Variants in GREB1L observed in about 807,000 individuals in gnomAD.
GREB1L encodes the protein GREB1 like retinoic acid receptor coactivator, also known as GREB1-like protein.
In GREB1L, 17 loss-of-function variants were observed where a neutral mutation model predicts 200.8. The observed-to-expected ratio is 0.08, with a 90% CI of 0.06 to 0.13. The LOEUF (loss-of-function observed/expected upper bound fraction) is 0.13, where lower values mean the gene tolerates loss of function less well. Among genes scored for constraint, GREB1L ranks in the 10% least tolerant of loss-of-function variants. GREB1L has a pLI of 1.00. For synonymous variants in GREB1L, 789 were observed against 893.0 expected (o/e 0.88, Z 2.08); for missense variants, 1,657 against 2,367.7 (o/e 0.70, Z 6.23).
At chr18:21,376,812 CAAAAAAAAAAA>C (rs534144361) in intron 2 of GREB1L, among the ~76,000 whole-genome samples, 1 of 59,644 alleles carries the variant, frequency 1.7e-5, no homozygotes, top group Admixed American at 1.9e-4. Flanking sequence ...GAGTCCGTCT[CAAAAAAAAAAA>C]AAAAAAAAAA....
intron 1 of GREB1L, among the ~76,000 whole-genome samples, chr18:21,301,835 A>G (rs1237666724): frequency 6.6e-6 from 1 of 152,234 alleles, no homozygotes; most frequent in Non-Finnish European, 1.5e-5. Flanking sequence ...GGCCAGTTCT[A>G]ATATGGTACA....
intron 7 of GREB1L, among the ~76,000 whole-genome samples, chr18:21,416,083 A>T (rs1391929444): frequency 6.6e-6 from 1 of 152,226 alleles, no homozygotes; most frequent in African/African-American, 2.4e-5. Flanking sequence ...TTATAACTAT[A>T]TTTCATATCT....
At chr18:21,251,016 CT>C (rs1434967957) in intron 1 of GREB1L, among the ~76,000 whole-genome samples, 2 of 152,062 alleles carry the variant, frequency 1.3e-5, no homozygotes, top group Non-Finnish European at 2.9e-5. Flanking sequence ...TCATATTATG[CT>C]TTTTAAAAAA....
intron 1 of GREB1L, among the ~76,000 whole-genome samples, chr18:21,295,107 A>G (rs140739990): frequency 2.6e-5 from 4 of 152,250 alleles, no homozygotes; most frequent in Non-Finnish European, 4.4e-5. Context: ...TTTGGAAATT[A>G]CTAAAAATGT....
At chr18:21,468,938 A>G (rs1598889894) in intron 15 of GREB1L, 1 of 368,100 alleles carries the variant, frequency 2.7e-6, no homozygotes, top group East Asian at 7.3e-5. Flanking sequence ...TCCTCATTGC[A>G]TCATGTCAGG....
At chr18:21,443,853 T>C (rs1598849528) in intron 10 of GREB1L, among the ~76,000 whole-genome samples, 1 of 152,240 alleles carries the variant, frequency 6.6e-6, no homozygotes, top group African/African-American at 2.4e-5. Flanking sequence ...CTTAATACAG[T>C]GCCTACACAT....
intron 7 of GREB1L, among the ~76,000 whole-genome samples, chr18:21,418,469 G>T (rs1420801977): frequency 6.6e-6 from 1 of 151,838 alleles, no homozygotes; most frequent in Non-Finnish European, 1.5e-5. Context: ...TTTTAAATTT[G>T]TATTTTTATT....
intron 1 of GREB1L, among the ~76,000 whole-genome samples, chr18:21,362,195 A>G (rs2039590790): frequency 6.6e-6 from 1 of 152,184 alleles, no homozygotes; most frequent in Non-Finnish European, 1.5e-5. Context: ...TTTATGAAAG[A>G]TACATTGAAG....
chr18:21,440,370 C>A lies in GREB1L; in HGVS notation c.1051C>A (p.Arg351Ser). ...PGLVVPVPTVRPLSRTEPLLS... is the reference protein window; with the variant it reads ...PGLVVPVPTVSPLSRTEPLLS... Reference sequence around the variant, plus strand: ...CTTAGTTGTACCTGTCCCTACAGTTCGCCCTCTTTCAAGAACGGGTAAGAT... The same window carrying A: ...CTTAGTTGTACCTGTCCCTACAGTTAGCCCTCTTTCAAGAACGGGTAAGAT... Residue 351 changes from arginine to serine, a missense_variant, in exon 9 of 33, where the codon CGC becomes AGC. Physicochemically the swap from Arg to Ser is moderately radical, Grantham distance 110 (BLOSUM62 -1). Around this residue, in one of 9 missense-constraint regions of GREB1L, gnomAD observed 289 missense variants for 345.1 expected, o/e 0.84. Coordinates refer to ENST00000424526, the MANE Select transcript of GREB1L (RefSeq NM_001142966.3). 6.4e-7 allele frequency: 1 copy of A among 1,551,658 alleles called. No individual in the cohort carries two copies. Among genetic ancestry groups the A allele is most frequent in the Non-Finnish European group, 8.7e-7 (1 of 1,146,710 alleles).
chr18:21,354,698 T>C (rs1347559810), intron 1 of GREB1L, among the ~76,000 whole-genome samples: 1 of 152,176 alleles, frequency 6.6e-6, no homozygotes, highest in Non-Finnish European at 1.5e-5. Context: ...GGAGCCATGC[T>C]TGAGTTGAAA....
chr18:21,434,497 A>ATGTGTG (rs1236096017), intron 7 of GREB1L, among the ~76,000 whole-genome samples: 19 of 122,452 alleles, frequency 1.6e-4, no homozygotes, highest in African/African-American at 5.6e-4. Flanking sequence ...ATATATATAT[A>ATGTGTG]TATGTGTGTG....
At chr18:21,407,757 A>G (rs1488293564) in intron 7 of GREB1L, among the ~76,000 whole-genome samples, 1 of 152,262 alleles carries the variant, frequency 6.6e-6, no homozygotes, top group Non-Finnish European at 1.5e-5. Flanking sequence ...AATATGGTAT[A>G]TATACACAAT....
intron 17 of GREB1L, among the ~76,000 whole-genome samples, chr18:21,478,007 C>T (rs577021351): frequency 2.0e-5 from 3 of 152,192 alleles, no homozygotes; most frequent in Non-Finnish European, 2.9e-5. Context: ...CCTGGATTTC[C>T]TTTGTGCCTT....
At chr18:21,328,860 CCA>C (rs2039064125) in intron 1 of GREB1L, among the ~76,000 whole-genome samples, 2 of 152,102 alleles carry the variant, frequency 1.3e-5, no homozygotes. Context: ...ATTGTTAAAA[CCA>C]CCTTGTGAAT....
chr18:21,273,650 T>C (rs1314534137), intron 1 of GREB1L, among the ~76,000 whole-genome samples: 1 of 152,174 alleles, frequency 6.6e-6, no homozygotes, highest in African/African-American at 2.4e-5. Context: ...TCTTGGAGAT[T>C]TAAGAAAGTT....
At chr18:21,409,268 CA>C (rs1444940511) in intron 7 of GREB1L, among the ~76,000 whole-genome samples, 1 of 152,060 alleles carries the variant, frequency 6.6e-6, no homozygotes, top group Middle Eastern at 3.2e-3. Flanking sequence ...TGAAATAAAC[CA>C]GATGAAAGAG....
chr18:21,381,170 A>G (rs1416410682), intron 2 of GREB1L, among the ~76,000 whole-genome samples: 3 of 151,334 alleles, frequency 2.0e-5, no homozygotes, highest in Non-Finnish European at 4.4e-5. Flanking sequence ...TGAACCTGGG[A>G]GGCAGAGCTT....
At chr18:21,445,430 C>T (rs565588982) in intron 11 of GREB1L, among the ~76,000 whole-genome samples, 224 of 151,852 alleles carry the variant, frequency 1.5e-3, no homozygotes, top group African/African-American at 5.3e-3. Context: ...GCCCAGATCA[C>T]GTCATTGCAC....
intron 17 of GREB1L, among the ~76,000 whole-genome samples, chr18:21,480,117 G>A (rs2035862185): frequency 6.6e-6 from 1 of 152,214 alleles, no homozygotes; most frequent in Non-Finnish European, 1.5e-5. Context: ...CTGGGAGGCT[G>A]AGATGAGTGG....
Sources: gnomAD v4.1 joint callset for allele counts (sites outside exome capture counted in the v4.1 genomes callset) on GRCh38, gnomAD v4.1.1 for gene constraint, gnomAD v4.1.1 regional missense constraint, MANE v1.5 for transcripts, NCBI Gene and HGNC (gene_info 2026-07-23, HGNC 2026-07-21) for gene names.